The following C5orf34 variants were observed in gnomAD, a reference collection of about 807,000 sequenced individuals.
C5orf34 encodes the protein chromosome 5 open reading frame 34, also known as uncharacterized protein C5orf34.
A neutral mutation model predicts 78.4 loss-of-function variants in C5orf34; 73 were observed. That is an observed-to-expected ratio of 0.93 (90% CI 0.77 to 1.13). The LOEUF is 1.13. Ranked by LOEUF, C5orf34 falls within the 50% of genes most tolerant of loss-of-function variation. The pLI is 0.00. For synonymous variants in C5orf34, 251 were observed against 246.6 expected, an observed-to-expected ratio of 1.02 and a Z score of -0.17; for missense variants, 730 against 732.7, an observed-to-expected ratio of 1.00 and a Z score of 0.04.
rs142739488 is a variant in C5orf34, at chr5:43,509,188, T to G, written c.152A>C (p.Glu51Ala). The G allele has an allele frequency of 1.9e-6, 3 of 1,613,868 alleles. No individual in the cohort carries two copies. The African/African-American group carries it at 4.0e-5, about 22-fold the overall frequency. ...AAAATGTGTCCTTTGACGAATTCTT[T>G]CTGGTTGTTCTAAAGGATGTGCTGA... The part of the protein sequence containing the change: ...PVSAHPLEQP[E>A]RIRQRTHFVI... Residue 51 changes from glutamate to alanine, a missense_variant, in exon 2 of 13, where the codon GAA becomes GCA. Coordinates refer to ENST00000306862, the MANE Select transcript of C5orf34 (RefSeq NM_198566.4).
Position 43,508,555 on chromosome 5 carries a change from A to C in C5orf34, c.285+22T>G, listed in dbSNP as rs1469124985. The C allele has an allele frequency of 2.2e-6, 3 of 1,392,028 alleles. No homozygotes were observed. In the South Asian group the frequency reaches 3.7e-5, roughly 17 times the overall value. 86.2% of individuals were successfully genotyped at this position (1,392,028 alleles called of 1,614,324 possible). The stretch of plus-strand genomic sequence containing the variant: ...TACTTGTCCTCAAATAATACTAACA[A>C]AAATGAAGTTAAAAAAATCACCTTT... On this transcript the variant is annotated intron_variant, in intron 3 of 12. Transcript: ENST00000306862.
chr5:43,505,013 G>A (rs1731854298), intron 4 of C5orf34, among the ~76,000 whole-genome samples: 1 of 152,170 alleles, frequency 6.6e-6, no homozygotes, highest in Non-Finnish European at 1.5e-5. Flanking sequence ...TATGTCGCAA[G>A]TTCCTCTACA....
At chr5:43,494,952 GCATT>G (rs1745439201) in intron 6 of C5orf34, 5 of 816,328 alleles carry the variant, frequency 6.1e-6, no homozygotes, top group Admixed American at 4.5e-5. Flanking sequence ...GTTTTACGAT[GCATT>G]GTTATCATTA....
At chr5:43,501,270 C>T (rs1445532180) in intron 6 of C5orf34, among the ~76,000 whole-genome samples, 1 of 152,186 alleles carries the variant, frequency 6.6e-6, no homozygotes, top group Non-Finnish European at 1.5e-5. Flanking sequence ...ACTATATAAA[C>T]ACACATACAC....
Position 43,486,947 on chromosome 5 carries a change from T to A in C5orf34, c.1885A>T (p.Ile629Phe). The change falls in exon 13 of 13, where the codon ATT becomes TTT. Residue 629 changes from isoleucine to phenylalanine, a missense_variant. Physicochemically the swap from Ile to Phe is conservative, Grantham distance 21 (BLOSUM62 0). Coordinates refer to ENST00000306862, the MANE Select transcript of C5orf34 (RefSeq NM_198566.4). ...LKKTSEILHD[I>F]DCLLSNSKK ...TTAGAGTTTGATAGAAGACAGTCAA[T>A]ATCGTGAAGGATTTCAGAGGTTTTT... The A allele has an allele frequency of 2.6e-6, 4 of 1,554,890 alleles. No individual in the cohort carries two copies. The highest frequency in any genetic ancestry group is 3.5e-6 in the Non-Finnish European group (4 of 1,156,380).
chr5:43,486,806 CATT>C lies in C5orf34; in HGVS notation c.*106_*108del. 2 of 489,420 alleles carry C rather than the reference CATT, an allele frequency of 4.1e-6. No individual in the cohort carries two copies. Among genetic ancestry groups the C allele is most frequent in the South Asian group, 8.6e-5 (1 of 11,680 alleles). 30.3% of individuals were successfully genotyped at this position (489,420 alleles called of 1,614,324 possible). Reference sequence around the variant, plus strand: ...AGTTAAATGTCAGTTCTTTCACAATCATTGTGCCGGGGTAATACGTACAATATC... The same window carrying C: ...AGTTAAATGTCAGTTCTTTCACAATCGTGCCGGGGTAATACGTACAATATC... On this transcript the variant is annotated 3_prime_UTR_variant, in exon 13 of 13. Transcript: ENST00000306862.
chr5:43,492,256 T>C lies in C5orf34; in HGVS notation c.1539A>G (p.Gln513=). 1 of 1,612,546 alleles carries C rather than the reference T, an allele frequency of 6.2e-7. No individual in the cohort carries two copies. The highest frequency in any genetic ancestry group is 8.5e-7 in the Non-Finnish European group (1 of 1,179,288). The change falls in exon 10 of 13, where the codon CAA becomes CAG. Residue 513 remains glutamine, a synonymous_variant. Transcript: ENST00000306862. ...GWCKLTFPDG[Q]EQLIQIEHPE... is the part of the protein sequence containing the mutation. ...GGTGTTCAATCTGAATTAACTGCTC[T>C]TGTCCATCAGGAAAAGTTAACTTAC...
chr5:43,509,392 AAAC>A lies in C5orf34; in HGVS notation c.-36-20_-36-18del, dbSNP rs1358387015. On this transcript the variant is annotated intron_variant, in intron 1 of 12. Coordinates refer to ENST00000306862, the MANE Select transcript of C5orf34 (RefSeq NM_198566.4). ...AGTCAAAGACTGAATGAAATAGGAA[AAAC>A]AACAGCATAAATAGTTCTCTTAATG... The A allele has an allele frequency of 1.8e-5, 25 of 1,401,072 alleles. No individual in the cohort carries two copies. The East Asian group carries it at 5.4e-4, about 30-fold the overall frequency. 86.8% of individuals were successfully genotyped at this position (1,401,072 alleles called of 1,614,324 possible). A position where few individuals can be genotyped will look rare whatever the true frequency, so the allele number is the denominator to read the frequency against.
intron 1 of C5orf34, 37 bp downstream of exon 1, chr5:43,514,769 G>A (rs1216731828): frequency 4.6e-5 from 7 of 152,136 alleles, no homozygotes; most frequent in African/African-American, 1.7e-4. Flanking sequence ...TACAGAAGGA[G>A]CCTGATCAAA....
chr5:43,497,735 C>A (rs192036380), intron 6 of C5orf34, among the ~76,000 whole-genome samples: 1 of 152,200 alleles, frequency 6.6e-6, no homozygotes, highest in African/African-American at 2.4e-5. Context: ...AAACAAAAGT[C>A]TTTGTCCTTT....
At chr5:43,498,834 C>T (rs1472684571) in intron 6 of C5orf34, among the ~76,000 whole-genome samples, 1 of 152,212 alleles carries the variant, frequency 6.6e-6, no homozygotes, top group African/African-American at 2.4e-5. Flanking sequence ...TACTCATGCT[C>T]CAGTTGTGAG....
chr5:43,505,586 TA>T, intron 4 of C5orf34, 161 bp downstream of exon 4: 1 of 635,198 alleles, frequency 1.6e-6, no homozygotes, highest in Non-Finnish European at 2.6e-6. Context: ...GTAAAAAACA[TA>T]AGCAACACAT....
chr5:43,497,953 C>T (rs937691083), intron 6 of C5orf34, among the ~76,000 whole-genome samples: 12 of 152,208 alleles, frequency 7.9e-5, no homozygotes, highest in African/African-American at 2.4e-4. Context: ...TCCTCCAGCA[C>T]CTCCCTTTGC....
chr5:43,502,381 T>C lies in C5orf34; in HGVS notation c.1143A>G (p.Gly381=). The C allele has an allele frequency of 6.2e-7, 1 of 1,612,060 alleles. No individual in the cohort carries two copies. The highest frequency in any genetic ancestry group is 8.5e-7 in the Non-Finnish European group (1 of 1,179,162). Residue 381 remains glycine (G), a synonymous_variant, in exon 6 of 13, where the codon GGA becomes GGG. Coordinates refer to ENST00000306862, the MANE Select transcript of C5orf34 (RefSeq NM_198566.4). ...NYFTYYSIQE[G]SGKREEKTYS... ...TTCATTGTTGGCTTACCTTTCCTGATCCTTCTTGAATAGAATAATAAGTAA... is the reference window on the plus strand; with the variant it reads ...TTCATTGTTGGCTTACCTTTCCTGACCCTTCTTGAATAGAATAATAAGTAA...
Position 43,503,760 on chromosome 5 carries a change from C to CCATCATTCTCAGTAAACTATCG in C5orf34, c.933-1_933insCGATAGTTTACTGAGAATGATG (p.Arg311SerfsTer13). 1 of 1,598,372 alleles carries CCATCATTCTCAGTAAACTATCG rather than the reference C, an allele frequency of 6.3e-7. No homozygotes were observed. Among genetic ancestry groups the CCATCATTCTCAGTAAACTATCG allele is most frequent in the Non-Finnish European group, 8.6e-7 (1 of 1,165,878 alleles). On this transcript the variant is annotated frameshift_variant and splice_region_variant. Coordinates refer to ENST00000306862, the MANE Select transcript of C5orf34 (RefSeq NM_198566.4). LOFTEE classifies it high-confidence loss of function. ...GTAAAAGTGAATCACAAAAATTCCA[C>CCATCATTCTCAGTAAACTATCG]CTGTGAAGGATAAAATACAAGCTAT... is the stretch of plus-strand genomic sequence containing the variant.
chr5:43,492,071 A>G (rs1745308536), intron 10 of C5orf34, 144 bp downstream of exon 10: 2 of 565,066 alleles, frequency 3.5e-6, no homozygotes, highest in Non-Finnish European at 6.2e-6. Context: ...TACAGCTATC[A>G]ACTCTGAAAC....
chr5:43,505,649 A>G, intron 4 of C5orf34, 99 bp downstream of exon 4: 1 of 1,318,092 alleles, frequency 7.6e-7, no homozygotes, highest in Non-Finnish European at 1.0e-6. Flanking sequence ...TGGATGAGAT[A>G]AACTTTCCTT....
chr5:43,495,708 G>A, intron 6 of C5orf34: 2 of 1,577,170 alleles, frequency 1.3e-6, no homozygotes, highest in Non-Finnish European at 1.7e-6. Flanking sequence ...TAGACATCCT[G>A]GAGAGGCAGG....
chr5:43,491,935 C>G (rs1244578711), intron 10 of C5orf34, among the ~76,000 whole-genome samples: 1 of 142,100 alleles, frequency 7.0e-6, no homozygotes, highest in Non-Finnish European at 1.5e-5. Context: ...ACCCAGGAGG[C>G]GGAGGTTGTG....
Sources: gnomAD v4.1 joint callset for allele counts (sites outside exome capture counted in the v4.1 genomes callset) on GRCh38, gnomAD v4.1.1 for gene constraint, MANE v1.5 for transcripts, NCBI Gene and HGNC (gene_info 2026-07-23, HGNC 2026-07-21) for gene names.